Variants in HS2ST1 observed in about 807,000 individuals in gnomAD.
HS2ST1 encodes the protein 2-O-sulfotransferase.
HS2ST1 carries 18 observed loss-of-function variants against 42.9 expected under a neutral mutation model. The observed-to-expected ratio is 0.42, with a 90% CI of 0.29 to 0.62. The LOEUF is 0.62. HS2ST1 is among the 20% of genes least tolerant of loss of function. HS2ST1 has a pLI of 0.21. For missense variants in HS2ST1, 334 were observed against 433.8 expected (o/e 0.77, Z 2.04); for synonymous variants, 146 against 152.9 (o/e 0.95, Z 0.33).
Position 87,086,283 on chromosome 1 carries a change from C to T in HS2ST1, c.449+2004C>T, listed in dbSNP as rs192329062. Among the ~76,000 whole-genome samples the T allele has an allele frequency of 2.0e-4, 30 of 152,132 alleles. No individual in the cohort carries two copies. In the East Asian group the frequency reaches 5.6e-3, roughly 28 times the overall value. ...CCCTCCGTTGGCCCTGTGAAACCCA[C>T]GAATTTGAAAGTCACCCCTTGTACA... On this transcript the variant is annotated intron_variant, in intron 3 of 6. Coordinates refer to ENST00000370550, the MANE Select transcript of HS2ST1 (RefSeq NM_012262.4).
At chr1:86,980,441 A>G (rs964082503) in intron 1 of HS2ST1, among the ~76,000 whole-genome samples, 1 of 152,132 alleles carries the variant, frequency 6.6e-6, no homozygotes, top group African/African-American at 2.4e-5. Context: ...ACAAAATGCT[A>G]ACAATGGTTC....
At chr1:86,938,641 A>G (rs1417289213) in intron 1 of HS2ST1, among the ~76,000 whole-genome samples, 1 of 152,148 alleles carries the variant, frequency 6.6e-6, no homozygotes, top group Non-Finnish European at 1.5e-5. Context: ...AGAAAAAATC[A>G]ATAAGTCAGT....
At chr1:86,920,427 A>G (rs1232014039) in intron 1 of HS2ST1, among the ~76,000 whole-genome samples, 1 of 152,186 alleles carries the variant, frequency 6.6e-6, no homozygotes, top group Non-Finnish European at 1.5e-5. Flanking sequence ...AATCATTTGG[A>G]AAACCTCATA....
chr1:86,985,483 T>C (rs1346206310), intron 1 of HS2ST1, among the ~76,000 whole-genome samples: 51 of 112,934 alleles, frequency 4.5e-4, no homozygotes, highest in African/African-American at 1.1e-3. Context: ...TACACATATA[T>C]ACACATATAT....
intron 1 of HS2ST1, among the ~76,000 whole-genome samples, chr1:87,035,575 A>G (rs769046147): frequency 8.5e-5 from 13 of 152,184 alleles, no homozygotes; most frequent in Non-Finnish European, 1.8e-4. Context: ...TATAGTGTAG[A>G]CCATAATATT....
intron 5 of HS2ST1, among the ~76,000 whole-genome samples, chr1:87,102,381 C>G (rs1032659147): frequency 4.6e-5 from 7 of 152,110 alleles, no homozygotes; most frequent in Non-Finnish European, 1.5e-5. Flanking sequence ...ATAACTAGAT[C>G]TCTAATGAAC....
At chr1:87,088,149 T>C (rs1651855785) in intron 3 of HS2ST1, among the ~76,000 whole-genome samples, 1 of 152,094 alleles carries the variant, frequency 6.6e-6, no homozygotes, top group Non-Finnish European at 1.5e-5. Flanking sequence ...TTCTTCTCCT[T>C]GTCTGAATCT....
intron 1 of HS2ST1, among the ~76,000 whole-genome samples, chr1:87,065,367 T>C (rs149113889): frequency 1.3e-5 from 2 of 152,330 alleles, no homozygotes; most frequent in African/African-American, 4.8e-5. Context: ...ACTAGACAAA[T>C]TGATATGCCA....
chr1:86,994,335 A>G (rs992086337), intron 1 of HS2ST1, among the ~76,000 whole-genome samples: 5 of 152,118 alleles, frequency 3.3e-5, no homozygotes, highest in South Asian at 2.1e-4. Flanking sequence ...TTTATTTTCA[A>G]TGCTTTTTAG....
intron 1 of HS2ST1, among the ~76,000 whole-genome samples, chr1:86,975,245 A>G (rs1014343209): frequency 3.9e-5 from 6 of 152,052 alleles, no homozygotes; most frequent in African/African-American, 1.4e-4. Context: ...TTTTCTGTGG[A>G]AAAGAGATCA....
At chr1:86,919,225 A>G (rs1265772147) in intron 1 of HS2ST1, among the ~76,000 whole-genome samples, 3 of 152,086 alleles carry the variant, frequency 2.0e-5, no homozygotes, top group Non-Finnish European at 4.4e-5. Flanking sequence ...GATTACAGGC[A>G]TGAGCCACTG....
chr1:86,985,225 GGCGCCTGTA>G (rs59450144), intron 1 of HS2ST1, among the ~76,000 whole-genome samples: 1,883 of 149,370 alleles, frequency 0.013, 43 homozygotes, highest in African/African-American at 0.044. Flanking sequence ...CGTGGTGGCA[GGCGCCTGTA>G]GTCCCAGCTA....
rs1359743050 is a variant in HS2ST1, at chr1:87,073,119, G to A, written c.310G>A (p.Val104Ile). ...CCTGTGTGCAAAGAATAAATACCAT[G>A]TCCTTCATATCAACACTACCAAAAA... ...YDLCAKNKYHVLHINTTKNNP... is the reference protein window; with the variant it reads ...YDLCAKNKYHILHINTTKNNP... Residue 104 changes from valine (V) to isoleucine (I), a missense_variant, in exon 2 of 7, where the codon GTC becomes ATC. Transcript: ENST00000370550. The A allele has an allele frequency of 6.2e-7, 1 of 1,613,936 alleles. No individual in the cohort carries two copies. The highest frequency in any genetic ancestry group is 1.1e-5 in the South Asian group (1 of 91,070).
chr1:86,983,527 G>A (rs1441820516), intron 1 of HS2ST1, among the ~76,000 whole-genome samples: 4 of 152,034 alleles, frequency 2.6e-5, no homozygotes, highest in South Asian at 2.1e-4. Flanking sequence ...TCCCTCCCTC[G>A]ACACATGGGA....
At chr1:87,090,254 G>C (rs762395753) in intron 3 of HS2ST1, among the ~76,000 whole-genome samples, 19 of 152,152 alleles carry the variant, frequency 1.2e-4, no homozygotes, top group South Asian at 8.3e-4. Flanking sequence ...GTTGGGCACA[G>C]TGCTGAGCAT....
intron 4 of HS2ST1, 103 bp from the exon 5 acceptor site, chr1:87,097,735 C>T: frequency 7.6e-7 from 1 of 1,320,554 alleles, no homozygotes. Context: ...AGTGTCTCAT[C>T]CCACCTACTC....
intron 1 of HS2ST1, among the ~76,000 whole-genome samples, chr1:86,937,313 A>G (rs1660678433): frequency 6.6e-6 from 1 of 152,180 alleles, no homozygotes; most frequent in Non-Finnish European, 1.5e-5. Context: ...GAACCTAAAT[A>G]TGTCAAAATT....
intron 1 of HS2ST1, among the ~76,000 whole-genome samples, chr1:86,951,981 C>A (rs1348970761): frequency 6.6e-6 from 1 of 152,210 alleles, no homozygotes; most frequent in African/African-American, 2.4e-5. Flanking sequence ...GTCCCCGCTT[C>A]TAACTCTAGT....
intron 1 of HS2ST1, among the ~76,000 whole-genome samples, chr1:86,917,795 A>C (rs1417663535): frequency 1.3e-5 from 2 of 152,248 alleles, no homozygotes; most frequent in Non-Finnish European, 2.9e-5. Context: ...AATGAATATC[A>C]TTCAGAGAAA....
Sources: gnomAD v4.1 joint callset for allele counts (sites outside exome capture counted in the v4.1 genomes callset) on GRCh38, gnomAD v4.1.1 for gene constraint, MANE v1.5 for transcripts, NCBI Gene and HGNC (gene_info 2026-07-23, HGNC 2026-07-21) for gene names.